The following ZNF652 variants were observed in gnomAD, a reference collection of about 807,000 sequenced individuals.
ZNF652 encodes the protein zinc finger protein 652.
ZNF652 carries 16 observed loss-of-function variants against 45.2 expected under a neutral mutation model. The observed-to-expected ratio is 0.35, with a 90% CI of 0.24 to 0.54. The LOEUF is 0.54. Ranked by LOEUF, ZNF652 falls within the 20% of genes least tolerant of loss-of-function variation. The probability of loss-of-function intolerance (pLI) is 0.91; values close to 1 mark genes in which losing one functional copy is unlikely to be tolerated. For synonymous variants in ZNF652, 250 were observed against 260.6 expected (o/e 0.96, Z 0.39); for missense variants, 614 against 765.6 (o/e 0.80, Z 2.34).
intron 5 of ZNF652, among the ~76,000 whole-genome samples, chr17:49,301,723 C>T (rs932177727): frequency 5.3e-5 from 8 of 152,036 alleles, no homozygotes; most frequent in Non-Finnish European, 7.4e-5. Context: ...TTCCTCTAAC[C>T]GTCTTAAAAA....
At chr17:49,308,059 A>T (rs570398936) in intron 5 of ZNF652, among the ~76,000 whole-genome samples, 5 of 151,870 alleles carry the variant, frequency 3.3e-5, no homozygotes, top group Admixed American at 2.6e-4. Flanking sequence ...AAACTGAAGA[A>T]TTTTTTTTAA....
chr17:49,298,986 T>G (rs1015683295), intron 5 of ZNF652, 62 bp from the exon 6 acceptor site: 2 of 1,433,120 alleles, frequency 1.4e-6, no homozygotes, highest in Non-Finnish European at 1.9e-6. Context: ...TGCTCAAGCT[T>G]TTTTTTTTTA....
chr17:49,353,540 C>T (rs540332520), intron 1 of ZNF652, among the ~76,000 whole-genome samples: 10 of 151,806 alleles, frequency 6.6e-5, no homozygotes, highest in African/African-American at 1.9e-4. Context: ...GATGTGATTT[C>T]GGCTTACTAC....
intron 1 of ZNF652, among the ~76,000 whole-genome samples, chr17:49,346,041 T>G (rs1300255238): frequency 6.6e-6 from 1 of 152,208 alleles, no homozygotes; most frequent in Admixed American, 6.5e-5. Flanking sequence ...ATGTGCCAAG[T>G]GCCGCAGCCA....
chr17:49,302,860 G>A (rs1567914102), intron 5 of ZNF652, among the ~76,000 whole-genome samples: 2 of 152,150 alleles, frequency 1.3e-5, no homozygotes, highest in East Asian at 3.9e-4. Flanking sequence ...TGCTGGGGAG[G>A]CTGAGGCAGG....
intron 1 of ZNF652, among the ~76,000 whole-genome samples, chr17:49,345,698 G>A (rs939474723): frequency 1.1e-4 from 16 of 151,322 alleles, no homozygotes; most frequent in East Asian, 2.0e-4. Context: ...AAAATTAGCC[G>A]GGCGTGGTGG....
At chr17:49,336,308 C>CGCA (rs2070080058) in intron 1 of ZNF652, among the ~76,000 whole-genome samples, 1 of 147,426 alleles carries the variant, frequency 6.8e-6, no homozygotes, top group Non-Finnish European at 1.5e-5. Context: ...CAGGCATGAG[C>CGCA]TGCCATGCCC....
chr17:49,313,162 GTTTA>G (rs1335390701), intron 2 of ZNF652, among the ~76,000 whole-genome samples: 1 of 152,150 alleles, frequency 6.6e-6, no homozygotes. Flanking sequence ...CTTCAAGTTT[GTTTA>G]TTTATTTGAG....
At chr17:49,351,009 A>ATATATATATATATG (rs2070271973) in intron 1 of ZNF652, among the ~76,000 whole-genome samples, 1 of 13,694 alleles carries the variant, frequency 7.3e-5, no homozygotes. Flanking sequence ...ATATATATAT[A>ATATATATATATATG]TATATACACA....
chr17:49,351,044 C>CACAA (rs1555552838), intron 1 of ZNF652, among the ~76,000 whole-genome samples: 18 of 126,138 alleles, frequency 1.4e-4, no homozygotes, highest in Non-Finnish European at 1.6e-4. Context: ...CACACACACA[C>CACAA]ACACACACAC....
chr17:49,349,000 T>C (rs1299736448), intron 1 of ZNF652, among the ~76,000 whole-genome samples: 1 of 152,194 alleles, frequency 6.6e-6, no homozygotes, highest in Non-Finnish European at 1.5e-5. Context: ...AAAAAAGTGA[T>C]TTGCTAATGG....
Position 49,327,726 on chromosome 17 carries a change from AATAAATATATAT to A in ZNF652, c.-258-9755_-258-9744del, listed in dbSNP as rs1399133137. 7.9e-5 allele frequency among the ~76,000 whole-genome samples: 6 copies of A among 76,044 alleles called. No individual in the cohort carries two copies. In the South Asian group the frequency reaches 1.8e-3, roughly 23 times the overall value. The allele number at this position is 76,044 out of a possible 152,430, so 49.9% of individuals were successfully genotyped here. The stretch of plus-strand genomic sequence containing the variant: ...GAGACCTCGTGTCTACTTTTAAATA[AATAAATATATAT>A]ATATATATATATATATATATATATA... On this transcript the variant is annotated intron_variant, in intron 1 of 5. Transcript: ENST00000430262.
intron 2 of ZNF652, among the ~76,000 whole-genome samples, chr17:49,315,997 G>A (rs1021184748): frequency 6.6e-6 from 1 of 152,100 alleles, no homozygotes; most frequent in African/African-American, 2.4e-5. Flanking sequence ...GCTTAAATAT[G>A]GTACAAAATA....
chr17:49,294,511 C>T lies in ZNF652; in HGVS notation c.*3902G>A, dbSNP rs1451939267. On this transcript the variant is annotated 3_prime_UTR_variant, in exon 6 of 6. Transcript: ENST00000430262. ...AAGCCACATGCCTTTAAATTGTTGT[C>T]TTTTCTTCATTCAAATTTAAAAATC... is the stretch of plus-strand genomic sequence containing the variant. 1 of 152,082 alleles carries T rather than the reference C, an allele frequency of 6.6e-6. No individual in the cohort carries two copies. Among genetic ancestry groups the T allele is most frequent in the African/African-American group, 2.4e-5 (1 of 41,398 alleles). The allele number at this position is 152,082 out of a possible 1,614,324, so 9.4% of individuals were successfully genotyped here. A position where few individuals can be genotyped will look rare whatever the true frequency, so the allele number is the denominator to read the frequency against.
intron 1 of ZNF652, among the ~76,000 whole-genome samples, chr17:49,357,080 C>T (rs1320381825): frequency 6.6e-6 from 1 of 151,464 alleles, no homozygotes; most frequent in Non-Finnish European, 1.5e-5. Context: ...GGGCAGATCA[C>T]AAGATCAGGA....
chr17:49,313,464 T>C (rs894286218), intron 2 of ZNF652, among the ~76,000 whole-genome samples: 2 of 152,156 alleles, frequency 1.3e-5, no homozygotes, highest in Non-Finnish European at 2.9e-5. Context: ...GCCAAGTTTT[T>C]TAATTTTTAA....
At chr17:49,344,073 C>T (rs972986334) in intron 1 of ZNF652, among the ~76,000 whole-genome samples, 6 of 151,878 alleles carry the variant, frequency 4.0e-5, no homozygotes, top group African/African-American at 7.3e-5. Context: ...TGGTGGCGGG[C>T]GCCTGTAGTC....
intron 1 of ZNF652, among the ~76,000 whole-genome samples, chr17:49,351,010 TATATACACACAC>T (rs1434175948): frequency 5.1e-4 from 10 of 19,660 alleles, no homozygotes; most frequent in South Asian, 2.0e-3. Flanking sequence ...TATATATATA[TATATACACACAC>T]ACACACACAC....
intron 5 of ZNF652, among the ~76,000 whole-genome samples, chr17:49,303,800 C>A (rs554105573): frequency 6.6e-6 from 1 of 152,122 alleles, no homozygotes; most frequent in African/African-American, 2.4e-5. Context: ...ATTCCCTGAG[C>A]AGTTACTGAA....
Sources: allele counts gnomAD v4.1 joint callset (sites outside exome capture counted in the v4.1 genomes callset), GRCh38; gene constraint gnomAD v4.1.1; transcripts MANE v1.5; gene names NCBI Gene and HGNC (gene_info 2026-07-23, HGNC 2026-07-21).